Variants in ITPRIP observed in about 807,000 individuals in gnomAD.
ITPRIP encodes inositol 1,4,5-trisphosphate receptor-interacting protein.
In ITPRIP, 32 loss-of-function variants were observed where a neutral mutation model predicts 35.8. That is an observed-to-expected ratio of 0.89 (90% confidence interval 0.68 to 1.20). The LOEUF (loss-of-function observed/expected upper bound fraction) is 1.20. Ranked by LOEUF, ITPRIP falls within the 50% of genes most tolerant of loss-of-function variation. The pLI is 0.00. For missense variants in ITPRIP, 653 were observed against 735.6 expected, an observed-to-expected ratio of 0.89 and a Z score of 1.30; for synonymous variants, 358 against 324.0, an observed-to-expected ratio of 1.11 and a Z score of -1.13.
chr10:104,324,415 G>T (rs1361578904), intron 1 of ITPRIP, among the ~76,000 whole-genome samples: 1 of 152,242 alleles, frequency 6.6e-6, no homozygotes, highest in Non-Finnish European at 1.5e-5. Context: ...AGGAAGTGAG[G>T]AAAGAGGAAG....
In ITPRIP at chr10:104,313,147, C is replaced by A; in HGVS notation, c.*1261G>T. The A allele has an allele frequency of 1.0e-6, 1 of 985,518 alleles. No homozygotes were observed. 61.0% of individuals were successfully genotyped at this position (985,518 alleles called of 1,614,324 possible). On this transcript the variant is annotated 3_prime_UTR_variant, in exon 2 of 2. Coordinates refer to ENST00000337478, the MANE Select transcript of ITPRIP (RefSeq NM_001272013.2). ...TGAGGAACTAGGGGCTCAGAGCCTG[C>A]AGACTGGAGCTAGGTTTCCATAGTT...
In ITPRIP at chr10:104,314,518, G is replaced by A. The variant is rs773560443; in HGVS notation, c.1534C>T (p.Leu512Phe). ...LFRPFVLQRS[L>F]YRKTLDSFYE... Reference sequence around the variant, plus strand: ...AAGGAGTCCAGTGTCTTACGGTAAAGGCTTCGCTGCAGGACGAAGGGCCGG... The same window carrying A: ...AAGGAGTCCAGTGTCTTACGGTAAAAGCTTCGCTGCAGGACGAAGGGCCGG... Residue 512 changes from leucine (L) to phenylalanine (F), a missense_variant, in exon 2 of 2, where the codon CTT becomes TTT. Coordinates refer to ENST00000337478, the MANE Select transcript of ITPRIP (RefSeq NM_001272013.2). The A allele has an allele frequency of 8.7e-6, 14 of 1,614,086 alleles. No individual in the cohort carries two copies. Among genetic ancestry groups the A allele is most frequent in the East Asian group, 2.2e-5 (1 of 44,888 alleles).
rs2013467726 is a variant in ITPRIP at position 104,310,819 on chromosome 10, C to T, written c.*3589G>A. On this transcript the variant is annotated 3_prime_UTR_variant, in exon 2 of 2. Transcript: ENST00000337478. ...CACCATGAGGCCTTCCCTAATCAGC[C>T]CAGGTACCAGTGGTTCTTGGACATC... 1 of 152,168 alleles carries T rather than the reference C, an allele frequency of 6.6e-6. No individual in the cohort carries two copies. The highest frequency in any genetic ancestry group is 2.4e-5 in the African/African-American group (1 of 41,430). 9.4% of individuals were successfully genotyped at this position (152,168 alleles called of 1,614,324 possible). A position where few individuals can be genotyped will look rare whatever the true frequency, so the allele number is the denominator to read the frequency against.
At chr10:104,332,154 T>C (rs1009853605) in intron 1 of ITPRIP, among the ~76,000 whole-genome samples, 3 of 152,120 alleles carry the variant, frequency 2.0e-5, no homozygotes, top group African/African-American at 7.2e-5. Flanking sequence ...TGAAGGGCCA[T>C]TGTGAGGAGG....
chr10:104,331,433 G>A (rs895837331), intron 1 of ITPRIP, among the ~76,000 whole-genome samples: 1 of 152,130 alleles, frequency 6.6e-6, no homozygotes, highest in African/African-American at 2.4e-5. Context: ...TTGCACTAGC[G>A]GGCAGGGCCA....
At chr10:104,337,533 A>G (rs752097351) in intron 1 of ITPRIP, among the ~76,000 whole-genome samples, 36 of 148,994 alleles carry the variant, frequency 2.4e-4, no homozygotes, top group Non-Finnish European at 4.7e-4. Context: ...AGCGTTTTGG[A>G]TGGGGAGTCC....
chr10:104,313,986 C>A lies in ITPRIP; in HGVS notation c.*422G>T. 1.0e-6 allele frequency: 1 copy of A among 1,003,638 alleles called. No individual in the cohort carries two copies. The highest frequency in any genetic ancestry group is 1.7e-5 in the African/African-American group (1 of 57,652). The allele number at this position is 1,003,638 out of a possible 1,614,324, so 62.2% of individuals were successfully genotyped here. Reference sequence around the variant, plus strand: ...GCTCCTGGGAATAGGGGTGCTGGGTCTTAACACGGTTCCCTGTCAGCATTC... The same window carrying A: ...GCTCCTGGGAATAGGGGTGCTGGGTATTAACACGGTTCCCTGTCAGCATTC... On this transcript the variant is annotated 3_prime_UTR_variant, in exon 2 of 2. Coordinates refer to ENST00000337478, the MANE Select transcript of ITPRIP (RefSeq NM_001272013.2).
chr10:104,320,831 G>A (rs1329969804), intron 1 of ITPRIP, among the ~76,000 whole-genome samples: 2 of 152,148 alleles, frequency 1.3e-5, no homozygotes, highest in Non-Finnish European at 2.9e-5. Context: ...TGGCCTGCCT[G>A]TAACTTCTGT....
chr10:104,313,025 A>G lies in ITPRIP; in HGVS notation c.*1383T>C. On this transcript the variant is annotated 3_prime_UTR_variant, in exon 2 of 2. Transcript: ENST00000337478. The stretch of plus-strand genomic sequence containing the variant: ...AGACGGAGCCCAGCTCCAACCACAG[A>G]GCTTCTGCCAGGCTCTTTGGGTCTG... 2 of 985,370 alleles carry G rather than the reference A, an allele frequency of 2.0e-6. No individual in the cohort carries two copies. Among genetic ancestry groups the G allele is most frequent in the African/African-American group, 3.5e-5 (2 of 57,314 alleles). 61.0% of individuals were successfully genotyped at this position (985,370 alleles called of 1,614,324 possible).
intron 1 of ITPRIP, among the ~76,000 whole-genome samples, chr10:104,337,492 T>TTTTCTA (rs1379524081): frequency 6.6e-6 from 1 of 152,110 alleles, no homozygotes; most frequent in African/African-American, 2.4e-5. Context: ...GTGGCTTTTT[T>TTTTCTA]TTTCTTTTTC....
At position 104,314,883 on chromosome 10, in the gene ITPRIP, T is replaced by C. The variant is rs780535549; in HGVS notation, c.1169A>G (p.His390Arg). Residue 390 changes from histidine to arginine, a missense_variant, in exon 2 of 2, where the codon CAC becomes CGC. Physicochemically the swap from His to Arg is conservative, Grantham distance 29. Transcript: ENST00000337478. The part of the protein sequence containing the change: ...WLLSFAVYER[H>R]FLRTTLKALP... ...TGCCTTTAGTGTCGTCCTGAGGAAGTGTCGCTCATAGACAGCAAAGGACAG... is the reference window on the plus strand; with the variant it reads ...TGCCTTTAGTGTCGTCCTGAGGAAGCGTCGCTCATAGACAGCAAAGGACAG... 13 of 1,613,592 alleles carry C rather than the reference T, an allele frequency of 8.1e-6. No homozygotes were observed. The South Asian group carries it at 1.3e-4, about 16-fold the overall frequency.
chr10:104,337,810 G>A (rs1472035646), intron 1 of ITPRIP, among the ~76,000 whole-genome samples: 2 of 152,110 alleles, frequency 1.3e-5, no homozygotes. Context: ...GAAGGGGAAG[G>A]GGAAAAGGGG....
chr10:104,314,656 C>T lies in ITPRIP; in HGVS notation c.1396G>A (p.Glu466Lys). 6.2e-7 allele frequency: 1 copy of T among 1,614,032 alleles called. No individual in the cohort carries two copies. Among genetic ancestry groups the T allele is most frequent in the Non-Finnish European group, 8.5e-7 (1 of 1,179,978 alleles). The change falls in exon 2 of 2, where the codon GAG becomes AAG. Residue 466 changes from glutamate (E) to lysine (K), a missense_variant. Physicochemically the swap from Glu to Lys is moderately conservative, Grantham distance 56 (BLOSUM62 1). Transcript: ENST00000337478. ...AGCTTCTTCTGGAGCAAGCTCTTCT[C>T]CAGGAAGCACAGCAACTCGTGCAGA... Reference protein sequence around the residue: ...ARLHELLCFLEKSLLQKKLHH... With the variant: ...ARLHELLCFLKKSLLQKKLHH...
intron 1 of ITPRIP, among the ~76,000 whole-genome samples, chr10:104,316,444 A>C (rs1478895041): frequency 6.6e-6 from 1 of 152,128 alleles, no homozygotes; most frequent in Non-Finnish European, 1.5e-5. Flanking sequence ...AGCTAGAGCG[A>C]TTGGTTCTGG....
At position 104,310,679 on chromosome 10, in the gene ITPRIP, G is replaced by C. The variant is rs2013464578; in HGVS notation, c.*3729C>G. 1 of 152,200 alleles carries C rather than the reference G, an allele frequency of 6.6e-6. No homozygotes were observed. Among genetic ancestry groups the C allele is most frequent in the Non-Finnish European group, 1.5e-5 (1 of 68,048 alleles). 9.4% of individuals were successfully genotyped at this position (152,200 alleles called of 1,614,324 possible). ...GTGTGCATTAACAAATGTGTGTGCG[G>C]AACGGTGCCTGCCATACAGTAGGTG... On this transcript the variant is annotated 3_prime_UTR_variant, in exon 2 of 2. Transcript: ENST00000337478.
chr10:104,314,340 C>A lies in ITPRIP; in HGVS notation c.*68G>T, dbSNP rs2013567699. The A allele has an allele frequency of 6.5e-7, 1 of 1,534,140 alleles. No individual in the cohort carries two copies. Among genetic ancestry groups the A allele is most frequent in the Non-Finnish European group, 8.8e-7 (1 of 1,141,760 alleles). On this transcript the variant is annotated 3_prime_UTR_variant, in exon 2 of 2. Coordinates refer to ENST00000337478, the MANE Select transcript of ITPRIP (RefSeq NM_001272013.2). ...GTCCCCAGAACAGGGCTGGCAGATG[C>A]CACCAGGGGTGTGAACGTGAGGGAT... is the stretch of plus-strand genomic sequence containing the variant.
chr10:104,317,695 G>C (rs993386270), intron 1 of ITPRIP, among the ~76,000 whole-genome samples: 4 of 152,212 alleles, frequency 2.6e-5, no homozygotes, highest in Admixed American at 1.3e-4. Context: ...AACACTGGCT[G>C]ATAGGAGCTA....
chr10:104,314,393 A>G lies in ITPRIP; in HGVS notation c.*15T>C. 6.3e-7 allele frequency: 1 copy of G among 1,594,498 alleles called. No homozygotes were observed. The highest frequency in any genetic ancestry group is 8.6e-7 in the Non-Finnish European group (1 of 1,168,110). Reference sequence around the variant, plus strand: ...CCTCATCTTAGCTCGAGGATCCCACATTCTGTAAAAGACGTCAGCTTTTTG... The same window carrying G: ...CCTCATCTTAGCTCGAGGATCCCACGTTCTGTAAAAGACGTCAGCTTTTTG... On this transcript the variant is annotated 3_prime_UTR_variant, in exon 2 of 2. Coordinates refer to ENST00000337478, the MANE Select transcript of ITPRIP (RefSeq NM_001272013.2).
At chr10:104,330,294 T>C (rs2014122492) in intron 1 of ITPRIP, among the ~76,000 whole-genome samples, 1 of 152,252 alleles carries the variant, frequency 6.6e-6, no homozygotes, top group East Asian at 1.9e-4. Flanking sequence ...AAGTAACTTC[T>C]ACATTCTTTC....
Sources: allele counts gnomAD v4.1 joint callset (sites outside exome capture counted in the v4.1 genomes callset), GRCh38; gene constraint gnomAD v4.1.1; transcripts MANE v1.5; gene names NCBI Gene and HGNC (gene_info 2026-07-23, HGNC 2026-07-21).